Variants in RIMS2 observed in about 807,000 individuals in gnomAD.
The protein encoded by RIMS2 is regulating synaptic membrane exocytosis 2.
In RIMS2, 59 loss-of-function variants were observed where a neutral mutation model predicts 174.4. That is an observed-to-expected ratio of 0.34 (90% CI 0.27 to 0.42). The LOEUF is 0.42. RIMS2 is among the 10% of genes least tolerant of loss of function. The pLI is 1.00. For synonymous variants in RIMS2, 606 were observed against 572.5 expected (o/e 1.06, Z -0.84); for missense variants, 1,620 against 1,666.3 (o/e 0.97, Z 0.48).
exon 1 of RIMS2, chr8:103,500,928 C>T (rs78505067): frequency 6.2e-7 from 1 of 1,607,948 alleles, no homozygotes; most frequent in Non-Finnish European, 8.5e-7. Context: ...TGGCTCCCAT[C>T]CCGGCGGCCT....
At chr8:103,630,145 CAAAAA>C (rs56238550) in intron 1 of RIMS2, among the ~76,000 whole-genome samples, 1 of 122,390 alleles carries the variant, frequency 8.2e-6, no homozygotes, top group African/African-American at 2.8e-5. Flanking sequence ...AAACTGAAGA[CAAAAA>C]AAAAAAAAAA....
chr8:103,996,173 A>ACTGCT (rs2095082937), intron 17 of RIMS2, among the ~76,000 whole-genome samples: 1 of 151,904 alleles, frequency 6.6e-6, no homozygotes, highest in Non-Finnish European at 1.5e-5. Context: ...GACAGGTAAA[A>ACTGCT]ATGAGGCCAA....
chr8:104,121,049 C>G (rs2098366105), intron 19 of RIMS2, among the ~76,000 whole-genome samples: 1 of 151,930 alleles, frequency 6.6e-6, no homozygotes, highest in Non-Finnish European at 1.5e-5. Context: ...AACCATTTTT[C>G]TAGCTGCTAC....
chr8:103,926,512 A>C (rs1396908459), intron 10 of RIMS2, among the ~76,000 whole-genome samples: 1 of 151,564 alleles, frequency 6.6e-6, no homozygotes, highest in Non-Finnish European at 1.5e-5. Context: ...TGACTGAATG[A>C]CAGTCTGCTT....
At position 103,952,115 on chromosome 8, in the gene RIMS2, C is replaced by T. The variant is rs72681399; in HGVS notation, c.2702-8950C>T. ...GGCAGCAGCCCCAGTCAGGGACTTA[C>T]GGATAAAACCTTCACCTCCCTGGGA... On this transcript the variant is annotated intron_variant, in intron 14 of 23. Transcript: ENST00000504942. 9.4e-3 allele frequency among the ~76,000 whole-genome samples: 1,428 copies of T among 152,276 alleles called. 10 individuals are homozygous for T. Among genetic ancestry groups the T allele is most frequent in the Non-Finnish European group, 0.016 (1,121 of 68,018 alleles).
chr8:104,013,418 G>A lies in RIMS2; in HGVS notation c.3045-24G>A, dbSNP rs1373781936. On this transcript the variant is annotated intron_variant, in intron 17 of 23. Coordinates refer to ENST00000504942, the Ensembl canonical transcript of RIMS2. ...CAGAAGGGCACTAAAGATCAACTGA[G>A]CTGCTTTTTGACTAACGTTTCAGGG... is the stretch of plus-strand genomic sequence containing the variant. The A allele has an allele frequency of 3.7e-6, 6 of 1,607,192 alleles. No individual in the cohort carries two copies. The East Asian group carries it at 1.3e-4, about 36-fold the overall frequency.
intron 2 of RIMS2, among the ~76,000 whole-genome samples, chr8:103,760,908 A>T (rs2098105258): frequency 6.6e-6 from 1 of 152,224 alleles, no homozygotes; most frequent in Admixed American, 6.5e-5. Context: ...GTTAATAGTT[A>T]CTTGCCCATC....
At chr8:103,976,837 T>A (rs2154548698) in intron 16 of RIMS2, 1 of 152,350 alleles carries the variant, frequency 6.6e-6, no homozygotes, top group South Asian at 2.1e-4. Context: ...AGAATAATAA[T>A]TTTTAAAAGC....
intron 3 of RIMS2, among the ~76,000 whole-genome samples, chr8:103,863,826 G>A (rs1401815737): frequency 2.0e-5 from 3 of 148,522 alleles, no homozygotes; most frequent in Non-Finnish European, 3.0e-5. Flanking sequence ...TCTTCTTTTT[G>A]TTTGTACTGG....
At chr8:103,736,611 A>G (rs2097688888) in intron 2 of RIMS2, among the ~76,000 whole-genome samples, 1 of 152,148 alleles carries the variant, frequency 6.6e-6, no homozygotes. Context: ...CGTGAATCTA[A>G]AAACCATATT....
At chr8:103,711,306 G>C (rs2097300512) in intron 2 of RIMS2, among the ~76,000 whole-genome samples, 1 of 152,192 alleles carries the variant, frequency 6.6e-6, no homozygotes, top group South Asian at 2.1e-4. Context: ...AAAGCAATGA[G>C]AAGGTTTGTA....
intron 4 of RIMS2, among the ~76,000 whole-genome samples, chr8:103,899,071 A>G (rs555136519): frequency 1.3e-5 from 2 of 151,816 alleles, no homozygotes; most frequent in East Asian, 3.9e-4. Context: ...TTATGGCTGC[A>G]TAGTATTCCA....
intron 3 of RIMS2, among the ~76,000 whole-genome samples, chr8:103,785,651 G>A: frequency 6.6e-6 from 1 of 152,052 alleles, no homozygotes; most frequent in Non-Finnish European, 1.5e-5. Context: ...GCTTTTTGAT[G>A]TGCTGCTGGA....
chr8:103,897,814 C>T (rs1277368393), intron 4 of RIMS2, among the ~76,000 whole-genome samples: 1 of 151,600 alleles, frequency 6.6e-6, no homozygotes, highest in Non-Finnish European at 1.5e-5. Context: ...CTTCTTTTCC[C>T]ACCATAGATG....
chr8:103,916,333 T>C (rs565773047), intron 7 of RIMS2, 81 bp from the exon 11 acceptor site: 1 of 976,716 alleles, frequency 1.0e-6, no homozygotes, highest in South Asian at 1.6e-5. Flanking sequence ...ATGGAGTTTA[T>C]TGAAGTTTAA....
intron 2 of RIMS2, among the ~76,000 whole-genome samples, chr8:103,756,617 G>A (rs1179232719): frequency 6.6e-6 from 1 of 151,742 alleles, no homozygotes; most frequent in African/African-American, 2.4e-5. Context: ...GTAGAGATGG[G>A]GTTTTGCCAT....
intron 19 of RIMS2, among the ~76,000 whole-genome samples, chr8:104,117,234 T>G (rs2098292845): frequency 6.6e-6 from 1 of 152,144 alleles, no homozygotes; most frequent in Admixed American, 6.5e-5. Context: ...ATAGTTTTAA[T>G]TACGTCAATA....
At chr8:103,513,210 C>T (rs888757083) in intron 1 of RIMS2, among the ~76,000 whole-genome samples, 2 of 152,140 alleles carry the variant, frequency 1.3e-5, no homozygotes, top group Admixed American at 6.5e-5. Flanking sequence ...TGAAATGCCT[C>T]TATATGCCTC....
In RIMS2 at chr8:104,239,653, T is replaced by C. The variant is rs138075914; in HGVS notation, c.3335-5263T>C. ...TTGATGGTCCACCCCTAAGTCATAATAGGATATTTTAATAAGTCTCCTCAT... is the reference window on the plus strand; with the variant it reads ...TTGATGGTCCACCCCTAAGTCATAACAGGATATTTTAATAAGTCTCCTCAT... On this transcript the variant is annotated intron_variant, in intron 19 of 23. Coordinates refer to ENST00000504942, the Ensembl canonical transcript of RIMS2. 9.2e-5 allele frequency among the ~76,000 whole-genome samples: 14 copies of C among 152,332 alleles called. No individual in the cohort carries two copies. The East Asian group carries it at 2.3e-3, about 25-fold the overall frequency.
Sources: allele counts gnomAD v4.1 joint callset (sites outside exome capture counted in the v4.1 genomes callset), GRCh38; gene constraint gnomAD v4.1.1; transcripts MANE v1.5; gene names NCBI Gene and HGNC (gene_info 2026-07-23, HGNC 2026-07-21).